BIRC6: variants seen among roughly 807,000 people sequenced by gnomAD.
The protein encoded by BIRC6 is baculoviral IAP repeat containing 6.
Under a neutral mutation model 503.3 loss-of-function variants are expected in BIRC6, and 98 were observed. That is an observed-to-expected ratio of 0.19 (90% CI 0.17 to 0.23). BIRC6 has a LOEUF of 0.23. Among genes scored for constraint, BIRC6 ranks in the 10% least tolerant of loss-of-function variants. The pLI is 1.00. For missense variants in BIRC6, 5,360 were observed against 5,806.0 expected, an observed-to-expected ratio of 0.92 and a Z score of 2.50; for synonymous variants, 2,240 against 2,078.7, an observed-to-expected ratio of 1.08 and a Z score of -2.11.
chr2:32,445,783 GT>G, intron 21 of BIRC6, 115 bp downstream of exon 21: 5 of 801,374 alleles, frequency 6.2e-6, no homozygotes, highest in Non-Finnish European at 8.6e-6. Context: ...TTACAAAAAT[GT>G]TTAGTTTATA....
chr2:32,415,292 T>A lies in BIRC6; in HGVS notation c.2001T>A (p.Ile667=). The A allele has an allele frequency of 6.2e-7, 1 of 1,614,070 alleles. No homozygotes were observed. The highest frequency in any genetic ancestry group is 1.6e-4 in the Middle Eastern group (1 of 6,062). The change falls in exon 10 of 74, where the codon ATT becomes ATA. Residue 667 remains isoleucine (I), a synonymous_variant. Coordinates refer to ENST00000421745, the MANE Select transcript of BIRC6 (RefSeq NM_016252.4). The part of the protein sequence containing the change: ...LHDDGFTVPQ[I]IEMELDSQEQ... ...ATGATGGTTTTACTGTTCCACAGAT[T>A]ATTGAAATGGAGCTGGATAGTCAGG...
At chr2:32,425,026 A>T (rs764933687) in intron 10 of BIRC6, among the ~76,000 whole-genome samples, 7 of 151,082 alleles carry the variant, frequency 4.6e-5, no homozygotes, top group African/African-American at 7.3e-5. Flanking sequence ...GCATTTCTTC[A>T]TGTGTTTATT....
chr2:32,383,743 G>C (rs2038034750), intron 3 of BIRC6, among the ~76,000 whole-genome samples: 1 of 152,104 alleles, frequency 6.6e-6, no homozygotes, highest in Non-Finnish European at 1.5e-5. Flanking sequence ...TGTTGGCCAG[G>C]CTGGTCTTGA....
At chr2:32,381,782 GATTCACCC>G (rs927201274) in intron 3 of BIRC6, among the ~76,000 whole-genome samples, 4 of 152,206 alleles carry the variant, frequency 2.6e-5, no homozygotes, top group African/African-American at 7.2e-5. Flanking sequence ...TTAACCTCGT[GATTCACCC>G]ATCTCGGCCT....
chr2:32,555,476 T>TA (rs1239741400), intron 65 of BIRC6, among the ~76,000 whole-genome samples: 1 of 151,584 alleles, frequency 6.6e-6, no homozygotes, highest in Non-Finnish European at 1.5e-5. Context: ...CCGTCTCTAC[T>TA]AAAAATACAA....
At chr2:32,395,265 C>T (rs1184999152) in intron 5 of BIRC6, among the ~76,000 whole-genome samples, 1 of 151,966 alleles carries the variant, frequency 6.6e-6, no homozygotes, top group Non-Finnish European at 1.5e-5. Context: ...AGTACTAGAT[C>T]AGGGATTGCA....
chr2:32,518,137 A>G (rs1164796027), intron 55 of BIRC6, 117 bp from the exon 56 acceptor site: 5 of 976,066 alleles, frequency 5.1e-6, no homozygotes, highest in East Asian at 5.5e-5. Flanking sequence ...TTCTTTAGCT[A>G]CTGATTTGAT....
In BIRC6 at chr2:32,357,097, C is replaced by T; in HGVS notation, c.-65C>T. 7.4e-7 allele frequency: 1 copy of T among 1,348,456 alleles called. No homozygotes were observed. Among genetic ancestry groups the T allele is most frequent in the Non-Finnish European group, 9.7e-7 (1 of 1,033,212 alleles). The allele number at this position is 1,348,456 out of a possible 1,614,324, so 83.5% of individuals were successfully genotyped here. On this transcript the variant is annotated 5_prime_UTR_variant, in exon 1 of 74. Transcript: ENST00000421745. This position sits in a 1 kb window ranked among gnomAD's most constrained non-coding sequence, Gnocchi z 4.9. ...CCCCTCCGGCCGGGCGATCGACGTT[C>T]CGCGTGCGTGCGGGCGCCTGACTTC...
Position 32,510,619 on chromosome 2 carries a change from C to T in BIRC6, c.10331C>T (p.Pro3444Leu). 1.3e-6 allele frequency: 2 copies of T among 1,594,438 alleles called. No individual in the cohort carries two copies. The highest frequency in any genetic ancestry group is 2.2e-5 in the East Asian group (1 of 44,768). The change falls in exon 53 of 74, where the codon CCT becomes CTT. Residue 3444 changes from proline (P) to leucine (L), a missense_variant. Pro to Leu is a moderately conservative substitution (Grantham distance 98). This residue lies in a region of BIRC6 where 878 missense variants were observed against 928.9 expected (regional missense o/e 0.95). Transcript: ENST00000421745. ...TACCAGCTTGGAACAACTCAGGATCCTGGTACAAAAGACAGGTACGATTTT... is the reference window on the plus strand; with the variant it reads ...TACCAGCTTGGAACAACTCAGGATCTTGGTACAAAAGACAGGTACGATTTT... ...ILYQLGTTQD[P>L]GTKDRIQALL...
chr2:32,522,968 C>T (rs961820906), intron 57 of BIRC6: 2 of 152,170 alleles, frequency 1.3e-5, no homozygotes, highest in Non-Finnish European at 2.9e-5. Context: ...TGAGCTGTGG[C>T]CTAGGAATTC....
Position 32,367,466 on chromosome 2 carries a change from A to C in BIRC6, c.325+9980A>C, listed in dbSNP as rs976898007. ...CAACAACAGTGAAACACCATCTCAA[A>C]AAAAAAACAAAAAAACGAAAAACAA... On this transcript the variant is annotated intron_variant, in intron 1 of 73. Coordinates refer to ENST00000421745, the MANE Select transcript of BIRC6 (RefSeq NM_016252.4). Among the ~76,000 whole-genome samples, 54 of 151,974 alleles carry C rather than the reference A, an allele frequency of 3.6e-4. 1 individual carries two copies. The highest frequency in any genetic ancestry group is 1.3e-3 in the African/African-American group (52 of 41,398).
intron 50 of BIRC6, among the ~76,000 whole-genome samples, chr2:32,507,028 G>T (rs1466553373): frequency 6.6e-6 from 1 of 151,982 alleles, no homozygotes; most frequent in Non-Finnish European, 1.5e-5. Flanking sequence ...ATTAGATGGG[G>T]TTCCATGTTA....
Position 32,467,861 on chromosome 2 carries a change from G to A in BIRC6, c.5572-42G>A, listed in dbSNP as rs938973967. 4 of 1,502,650 alleles carry A rather than the reference G, an allele frequency of 2.7e-6. No homozygotes were observed. In the African/African-American group the frequency reaches 5.6e-5, roughly 21 times the overall value. The allele number at this position is 1,502,650 out of a possible 1,614,324, so 93.1% of individuals were successfully genotyped here. On this transcript the variant is annotated intron_variant, in intron 27 of 73. Coordinates refer to ENST00000421745, the MANE Select transcript of BIRC6 (RefSeq NM_016252.4). ...AATACATTGCTCAGATTTTTATTGTGGCAGATGTGTATATATGTATATTTA... is the reference window on the plus strand; with the variant it reads ...AATACATTGCTCAGATTTTTATTGTAGCAGATGTGTATATATGTATATTTA...
At chr2:32,450,740 C>G (rs1041200591) in intron 22 of BIRC6, among the ~76,000 whole-genome samples, 12 of 152,130 alleles carry the variant, frequency 7.9e-5, no homozygotes, top group Admixed American at 6.5e-4. Flanking sequence ...TGTAGATACT[C>G]AAGTCCCTTA....
intron 11 of BIRC6, 138 bp downstream of exon 11, chr2:32,429,433 A>C: frequency 1.5e-6 from 1 of 645,974 alleles, no homozygotes; most frequent in East Asian, 3.2e-5. Flanking sequence ...ATATTTGTGA[A>C]GTCATCTAAG....
Position 32,512,913 on chromosome 2 carries a change from A to T in BIRC6, c.10347-20A>T. The T allele has an allele frequency of 6.2e-7, 1 of 1,607,198 alleles. No homozygotes were observed. Among genetic ancestry groups the T allele is most frequent in the Non-Finnish European group, 8.5e-7 (1 of 1,174,090 alleles). ...TTGCACTATATAGTTGGTTATATGA[A>T]TTCGTTTTCTTCGTTTAAGAATTCA... On this transcript the variant is annotated intron_variant, in intron 53 of 73. Coordinates refer to ENST00000421745, the MANE Select transcript of BIRC6 (RefSeq NM_016252.4).
chr2:32,539,680 A>G (rs1411003888), intron 61 of BIRC6, among the ~76,000 whole-genome samples: 1 of 152,200 alleles, frequency 6.6e-6, no homozygotes, highest in African/African-American at 2.4e-5. Flanking sequence ...GAGAGATTTT[A>G]TAGCTTTAAA....
At chr2:32,611,028 A>C (rs913865753) in intron 72 of BIRC6, among the ~76,000 whole-genome samples, 2 of 151,990 alleles carry the variant, frequency 1.3e-5, no homozygotes, top group African/African-American at 4.8e-5. Context: ...CCGGGCCATA[A>C]ATTTCATATA....
At chr2:32,462,142 C>G (rs2048065094) in intron 23 of BIRC6, among the ~76,000 whole-genome samples, 1 of 152,072 alleles carries the variant, frequency 6.6e-6, no homozygotes, top group Admixed American at 6.6e-5. Flanking sequence ...AACAATGCCA[C>G]ATGGTAATGC....
Sources: allele counts gnomAD v4.1 joint callset (sites outside exome capture counted in the v4.1 genomes callset), GRCh38; gene constraint gnomAD v4.1.1; regional missense constraint gnomAD v4.1.1; non-coding constraint Gnocchi (gnomAD v3.1); transcripts MANE v1.5; gene names NCBI Gene and HGNC (gene_info 2026-07-23, HGNC 2026-07-21).